The following SOCS2 variants were observed in gnomAD, a reference collection of about 807,000 sequenced individuals.
The protein encoded by SOCS2 is CIS-2.
In SOCS2, 10 loss-of-function variants were observed where a neutral mutation model predicts 18.6. That is an observed-to-expected ratio of 0.54 (90% CI 0.33 to 0.91). The LOEUF is 0.91. SOCS2 is among the 40% of genes least tolerant of loss of function. SOCS2 has a pLI of 0.02. For synonymous variants in SOCS2, 104 were observed against 104.0 expected, an observed-to-expected ratio of 1.00 and a Z score of 0.00; for missense variants, 231 against 247.2, an observed-to-expected ratio of 0.93 and a Z score of 0.44.
chr12:93,588,666 G>A, the SOCS2 span, among the ~76,000 whole-genome samples: 1 of 150,846 alleles, frequency 6.6e-6, no homozygotes, highest in Middle Eastern at 3.4e-3. Flanking sequence ...CCAGAGACTA[G>A]ACTGCAATGG....
At chr12:93,583,526 T>G (rs1398504578), downstream of SOCS2, 3 of 152,194 alleles carry the variant, frequency 2.0e-5, no homozygotes, top group Non-Finnish European at 4.4e-5. Flanking sequence ...ACATTTGGGT[T>G]TTCCTGGATC....
In SOCS2 at chr12:93,575,996, A is replaced by T. The variant is rs1954451487; in HGVS notation, c.*817A>T. 1 of 152,600 alleles carries T rather than the reference A, an allele frequency of 6.6e-6. No homozygotes were observed. The highest frequency in any genetic ancestry group is 2.4e-5 in the African/African-American group (1 of 41,440). The allele number at this position is 152,600 out of a possible 1,614,324, so 9.5% of individuals were successfully genotyped here. A position where few individuals can be genotyped will look rare whatever the true frequency, so the allele number is the denominator to read the frequency against. ...GCTGTGTCCCAACCTGTTGCCATTG[A>T]TTTTTTGGAAATGGCTTTAGAAATA... On this transcript the variant is annotated 3_prime_UTR_variant, in exon 2 of 2. Coordinates refer to ENST00000551556, the MANE Select transcript of SOCS2 (RefSeq NM_001270471.2).
rs1158109620 is a variant in SOCS2, at chr12:93,575,884, A to C, written c.*705A>C. ...GACTTTCTCTTTTCCTTTAAAGCTA[A>C]AGACAAGAATATCATGCTATACAGG... On this transcript the variant is annotated 3_prime_UTR_variant, in exon 2 of 2. Coordinates refer to ENST00000551556, the MANE Select transcript of SOCS2 (RefSeq NM_001270471.2). 6.6e-6 allele frequency: 1 copy of C among 152,660 alleles called. No homozygotes were observed. Among genetic ancestry groups the C allele is most frequent in the Non-Finnish European group, 1.5e-5 (1 of 68,046 alleles). The allele number at this position is 152,660 out of a possible 1,614,324, so 9.5% of individuals were successfully genotyped here.
In SOCS2 at chr12:93,575,093, A is replaced by G; in HGVS notation, c.511A>G (p.Ile171Val). 5 of 1,612,884 alleles carry G rather than the reference A, an allele frequency of 3.1e-6. No individual in the cohort carries two copies. Among genetic ancestry groups the G allele is most frequent in the Non-Finnish European group, 4.2e-6 (5 of 1,179,606 alleles). Residue 171 changes from isoleucine (I) to valine (V), a missense_variant, in exon 2 of 2, where the codon ATT becomes GTT. Transcript: ENST00000551556. Reference sequence around the variant, plus strand: ...TCTGCAGCATCTCTGTAGGCTCACCATTAACAAATGTACCGGTGCCATCTG... The same window carrying G: ...TCTGCAGCATCTCTGTAGGCTCACCGTTAACAAATGTACCGGTGCCATCTG... ...PSLQHLCRLT[I>V]NKCTGAIWGL...
the SOCS2 span, among the ~76,000 whole-genome samples, chr12:93,603,582 A>G: frequency 3.3e-5 from 5 of 152,204 alleles, no homozygotes; most frequent in Non-Finnish European, 4.4e-5. Context: ...AACTGGACTC[A>G]ATCAAGTTAA....
At chr12:93,587,093 G>C (rs899356273), downstream of SOCS2, among the ~76,000 whole-genome samples, 2 of 152,148 alleles carry the variant, frequency 1.3e-5, no homozygotes, top group African/African-American at 2.4e-5. Flanking sequence ...ACTTGAACCC[G>C]GGAGGCAGAG....
chr12:93,578,350 T>C (rs978038453), downstream of SOCS2, among the ~76,000 whole-genome samples: 3 of 152,174 alleles, frequency 2.0e-5, no homozygotes, highest in Admixed American at 6.5e-5. Flanking sequence ...AGACGTCATC[T>C]TCGTCAAGTA....
intron 1 of SOCS2, among the ~76,000 whole-genome samples, chr12:93,582,700 G>A (rs566614198): frequency 7.6e-4 from 115 of 152,310 alleles, no homozygotes; most frequent in Non-Finnish European, 1.2e-3. Flanking sequence ...GCACAACCCT[G>A]AACTAGGAAT....
At chr12:93,623,179 G>T in the SOCS2 span, among the ~76,000 whole-genome samples, 2 of 152,174 alleles carry the variant, frequency 1.3e-5, no homozygotes, top group South Asian at 2.1e-4. Context: ...GGCTGGTCTC[G>T]TGATAGTGAG....
chr12:93,621,462 C>T, the SOCS2 span, among the ~76,000 whole-genome samples: 1 of 152,090 alleles, frequency 6.6e-6, no homozygotes, highest in East Asian at 1.9e-4. Context: ...GACTGTATGA[C>T]CAGAACAAGG....
At chr12:93,576,886 T>G (rs1208638496), downstream of SOCS2, 1 of 152,230 alleles carries the variant, frequency 6.6e-6, no homozygotes, top group East Asian at 1.9e-4. Flanking sequence ...GGCCTAAAAC[T>G]TCAAGAAAAG....
the SOCS2 span, among the ~76,000 whole-genome samples, chr12:93,601,552 G>C: frequency 6.6e-6 from 1 of 152,012 alleles, no homozygotes; most frequent in African/African-American, 2.4e-5. Flanking sequence ...CAAGTGATCT[G>C]CCCGCCTCAG....
chr12:93,618,212 C>T, the SOCS2 span, among the ~76,000 whole-genome samples: 2 of 152,134 alleles, frequency 1.3e-5, no homozygotes, highest in Admixed American at 6.5e-5. Context: ...GAAGCTGATG[C>T]CACCATGCTT....
the SOCS2 span, among the ~76,000 whole-genome samples, chr12:93,601,600 C>T: frequency 0.023 from 3,529 of 152,272 alleles, 68 homozygotes; most frequent in African/African-American, 0.048. Context: ...AGAGCCACAG[C>T]GCCTGGCCAA....
chr12:93,580,440 GC>G (rs1954522658), downstream of SOCS2, among the ~76,000 whole-genome samples: 1 of 151,950 alleles, frequency 6.6e-6, no homozygotes, highest in South Asian at 2.1e-4. Flanking sequence ...GGCCAACATG[GC>G]GAAACCACAT....
At chr12:93,607,820 C>G in the SOCS2 span, among the ~76,000 whole-genome samples, 1 of 152,084 alleles carries the variant, frequency 6.6e-6, no homozygotes, top group South Asian at 2.1e-4. Context: ...AGGGTCCTGG[C>G]CCCCTGGAAT....
intron 1 of SOCS2, chr12:93,573,407 G>A (rs1328102499): frequency 2.3e-6 from 1 of 425,964 alleles, no homozygotes; most frequent in Non-Finnish European, 4.1e-6. Context: ...CGGTGCCGCG[G>A]GCCCCGCAGG....
At chr12:93,609,283 T>A in the SOCS2 span, among the ~76,000 whole-genome samples, 1 of 152,058 alleles carries the variant, frequency 6.6e-6, no homozygotes, top group African/African-American at 2.4e-5. Context: ...TCCCAGCTAC[T>A]CGGGAGGCTA....
chr12:93,619,587 T>G, the SOCS2 span, among the ~76,000 whole-genome samples: 2 of 152,178 alleles, frequency 1.3e-5, no homozygotes, highest in Non-Finnish European at 2.9e-5. Flanking sequence ...ATAAATAATC[T>G]TGTTTAATCC....
Sources: allele counts gnomAD v4.1 joint callset (sites outside exome capture counted in the v4.1 genomes callset), GRCh38; gene constraint gnomAD v4.1.1; transcripts MANE v1.5; gene names NCBI Gene and HGNC (gene_info 2026-07-23, HGNC 2026-07-21).